The following EPHA6 variants were observed in gnomAD, a reference collection of about 807,000 sequenced individuals.
EPHA6 encodes ephrin type-A receptor 6.
A neutral mutation model predicts 112.0 loss-of-function variants in EPHA6; 50 were observed. The observed-to-expected ratio is 0.45, with a 90% CI of 0.36 to 0.56. The LOEUF is 0.56. EPHA6 is among the 20% of genes least tolerant of loss of function. EPHA6 has a pLI of 0.00. For missense variants in EPHA6, 1,280 were observed against 1,417.4 expected (o/e 0.90, Z 1.56); for synonymous variants, 529 against 490.7 (o/e 1.08, Z -1.03).
At chr3:97,245,981 T>C (rs1445509134) in intron 5 of EPHA6, among the ~76,000 whole-genome samples, 7 of 152,050 alleles carry the variant, frequency 4.6e-5, no homozygotes, top group African/African-American at 9.7e-5. Context: ...CATATAATAT[T>C]GTACACTCAT....
intron 12 of EPHA6, among the ~76,000 whole-genome samples, chr3:97,601,354 A>C (rs2093641709): frequency 6.6e-6 from 1 of 152,124 alleles, no homozygotes; most frequent in Non-Finnish European, 1.5e-5. Flanking sequence ...TTAATTGGGA[A>C]CATAATAAGA....
chr3:97,701,152 T>A (rs904043918), intron 14 of EPHA6, among the ~76,000 whole-genome samples: 3 of 152,160 alleles, frequency 2.0e-5, no homozygotes, highest in African/African-American at 7.2e-5. Flanking sequence ...ATGAGTTTAT[T>A]CTAATGGAAC....
Position 97,115,086 on chromosome 3 carries a change from A to G in EPHA6, c.1115-111178A>G, listed in dbSNP as rs74342566. Among the ~76,000 whole-genome samples the G allele has an allele frequency of 4.0e-3, 603 of 152,152 alleles. 22 individuals are homozygous for G. In the East Asian group the frequency reaches 0.087, roughly 22 times the overall value. On this transcript the variant is annotated intron_variant, in intron 3 of 17. Coordinates refer to ENST00000389672, the MANE Select transcript of EPHA6 (RefSeq NM_001080448.3). ...TACATGGTGTGTAGCAGACTGTGAT[A>G]GGACAAAAATGTAAGTCAGCTATCA...
chr3:97,038,541 C>A (rs1199927514), intron 3 of EPHA6, among the ~76,000 whole-genome samples: 1 of 151,982 alleles, frequency 6.6e-6, no homozygotes, highest in Non-Finnish European at 1.5e-5. Flanking sequence ...GACACATTTT[C>A]TTTATCCATT....
intron 3 of EPHA6, among the ~76,000 whole-genome samples, chr3:97,098,837 T>C (rs527500886): frequency 2.6e-5 from 4 of 152,028 alleles, no homozygotes; most frequent in South Asian, 4.1e-4. Context: ...TGTTTGTTGC[T>C]ATTTGATGGT....
intron 3 of EPHA6, among the ~76,000 whole-genome samples, chr3:97,041,667 G>A (rs2045320246): frequency 6.6e-6 from 1 of 152,026 alleles, no homozygotes. Flanking sequence ...AAGAAAAGAG[G>A]GTTAATTTAC....
intron 11 of EPHA6, among the ~76,000 whole-genome samples, chr3:97,575,490 T>C (rs1286897301): frequency 6.6e-6 from 1 of 152,204 alleles, no homozygotes; most frequent in Non-Finnish European, 1.5e-5. Flanking sequence ...ACTCATTTCA[T>C]ATCTACGTAT....
chr3:97,317,051 C>G (rs1011465041), intron 5 of EPHA6, among the ~76,000 whole-genome samples: 6 of 151,502 alleles, frequency 4.0e-5, no homozygotes, highest in African/African-American at 1.5e-4. Flanking sequence ...TAATACAATA[C>G]CAAGTTATAA....
chr3:97,208,514 G>C (rs2077774571), intron 3 of EPHA6, among the ~76,000 whole-genome samples: 1 of 152,134 alleles, frequency 6.6e-6, no homozygotes, highest in Non-Finnish European at 1.5e-5. Context: ...GGAAGGCCAT[G>C]GTGGGTGGAT....
chr3:96,850,958 A>C (rs191396322), intron 1 of EPHA6, among the ~76,000 whole-genome samples: 5 of 152,140 alleles, frequency 3.3e-5, no homozygotes, highest in African/African-American at 1.2e-4. Context: ...TTAAAATTCA[A>C]GTATTTTAAA....
At chr3:96,848,333 TTA>T (rs1490177041) in intron 1 of EPHA6, among the ~76,000 whole-genome samples, 1 of 152,078 alleles carries the variant, frequency 6.6e-6, no homozygotes, top group Non-Finnish European at 1.5e-5. Flanking sequence ...GTGAAAATTA[TTA>T]GTTACCAAAT....
rs79179864 is a variant in EPHA6 at position 97,126,293 on chromosome 3, C to A, written c.1115-99971C>A. On this transcript the variant is annotated intron_variant, in intron 3 of 17. Coordinates refer to ENST00000389672, the MANE Select transcript of EPHA6 (RefSeq NM_001080448.3). ...AGTTCTCTTGTCTCAGAATCCACAA[C>A]ATGCACTGGCAGCTTGGAGCACAGC... Among the ~76,000 whole-genome samples the A allele has an allele frequency of 1.4e-3, 209 of 152,274 alleles. 9 individuals carry two copies. The East Asian group carries it at 0.038, about 27-fold the overall frequency.
rs1029707678 is a variant in EPHA6, at chr3:97,241,295, A to G, written c.1271-2657A>G. ...GAAAAACAGCTAGTTTCAAATCAGA[A>G]TAATTGCCTTTTTCTTATGAAGTTA... On this transcript the variant is annotated intron_variant, in intron 4 of 17. Transcript: ENST00000389672. Among the ~76,000 whole-genome samples, 5 of 152,004 alleles carry G rather than the reference A, an allele frequency of 3.3e-5. No homozygotes were observed. In the East Asian group the frequency reaches 9.7e-4, roughly 29 times the overall value.
At position 97,371,849 on chromosome 3, in the gene EPHA6, G is replaced by A. The variant is rs567615565; in HGVS notation, c.1607-33301G>A. 4.7e-4 allele frequency among the ~76,000 whole-genome samples: 71 copies of A among 152,158 alleles called. 2 individuals are homozygous for A. The highest frequency in any genetic ancestry group is 1.0e-3 in the South Asian group (5 of 4,824). On this transcript the variant is annotated intron_variant, in intron 5 of 17. Transcript: ENST00000389672. ...GCTCTGGGGACGTCTGTCTTTTACC[G>A]TCGTACATAAGGGATGAAATAAGTC...
At chr3:97,164,048 TC>T (rs1255066002) in intron 3 of EPHA6, among the ~76,000 whole-genome samples, 2 of 152,146 alleles carry the variant, frequency 1.3e-5, no homozygotes, top group Non-Finnish European at 2.9e-5. Flanking sequence ...GAATTCCAAT[TC>T]TTGAGCTTTT....
intron 3 of EPHA6, among the ~76,000 whole-genome samples, chr3:97,037,736 T>C (rs1454969956): frequency 2.6e-5 from 4 of 152,056 alleles, no homozygotes; most frequent in Non-Finnish European, 4.4e-5. Flanking sequence ...GGTTGACACG[T>C]CATACTGGAC....
chr3:97,010,205 T>G (rs1329821365), intron 3 of EPHA6: 6 of 647,206 alleles, frequency 9.3e-6, no homozygotes, highest in Non-Finnish European at 1.1e-5. Flanking sequence ...TGGGTTCTGG[T>G]CAATCAAAGG....
intron 5 of EPHA6, among the ~76,000 whole-genome samples, chr3:97,329,349 G>A (rs1408254134): frequency 6.6e-6 from 1 of 150,474 alleles, no homozygotes; most frequent in Non-Finnish European, 1.5e-5. Context: ...GGATGGCTGG[G>A]TCAAATGGTA....
At chr3:97,078,887 A>G (rs2046625429) in intron 3 of EPHA6, among the ~76,000 whole-genome samples, 1 of 152,162 alleles carries the variant, frequency 6.6e-6, no homozygotes, top group African/African-American at 2.4e-5. Context: ...TGAAATGACA[A>G]CAAGGAGTTT....
Sources: gnomAD v4.1 joint callset for allele counts (sites outside exome capture counted in the v4.1 genomes callset) on GRCh38, gnomAD v4.1.1 for gene constraint, MANE v1.5 for transcripts, NCBI Gene and HGNC (gene_info 2026-07-23, HGNC 2026-07-21) for gene names.